Variants in SLC23A2 observed in about 807,000 individuals in gnomAD.
SLC23A2 encodes solute carrier family 23 member 2, also known as Na(+)/L-ascorbic acid transporter 2.
A neutral mutation model predicts 73.3 loss-of-function variants in SLC23A2; 36 were observed. The observed-to-expected ratio is 0.49, with a 90% CI of 0.38 to 0.65. The LOEUF (loss-of-function observed/expected upper bound fraction) is 0.65. SLC23A2 is among the 30% of genes least tolerant of loss of function. The pLI is 0.00. For missense variants in SLC23A2, 507 were observed against 841.6 expected (o/e 0.60, Z 4.92); for synonymous variants, 343 against 327.3 (o/e 1.05, Z -0.52).
At chr20:4,961,628 G>A (rs1178400959) in intron 2 of SLC23A2, among the ~76,000 whole-genome samples, 2 of 152,114 alleles carry the variant, frequency 1.3e-5, no homozygotes, top group Non-Finnish European at 2.9e-5. Flanking sequence ...GGACACCCTT[G>A]ATCTAAAGTA....
rs1352542860 is a variant in SLC23A2 at position 4,943,397 on chromosome 20, G to A, written c.-154-10681C>T. Among the ~76,000 whole-genome samples the A allele has an allele frequency of 3.9e-5, 6 of 152,170 alleles. No homozygotes were observed. In the East Asian group the frequency reaches 5.8e-4, roughly 15 times the overall value. Reference sequence around the variant, plus strand: ...AATATACACTTCTGGGCCAGGCACGGTGGATCACACCTGCAATCCCAGCAC... The same window carrying A: ...AATATACACTTCTGGGCCAGGCACGATGGATCACACCTGCAATCCCAGCAC... On this transcript the variant is annotated intron_variant, in intron 2 of 16. Transcript: ENST00000338244.
At chr20:4,924,927 G>A (rs1041230774) in intron 3 of SLC23A2, among the ~76,000 whole-genome samples, 1 of 152,146 alleles carries the variant, frequency 6.6e-6, no homozygotes, top group Admixed American at 6.5e-5. Flanking sequence ...GCTCCCACCT[G>A]TAATCCCAGC....
At chr20:4,968,398 C>T (rs1239488110) in intron 2 of SLC23A2, among the ~76,000 whole-genome samples, 1 of 152,130 alleles carries the variant, frequency 6.6e-6, no homozygotes, top group East Asian at 1.9e-4. Flanking sequence ...TTTGTGGAGT[C>T]AAAGTAGCCT....
chr20:4,893,932 C>T (rs947982026), intron 6 of SLC23A2, among the ~76,000 whole-genome samples: 3 of 152,006 alleles, frequency 2.0e-5, no homozygotes, highest in Non-Finnish European at 4.4e-5. Flanking sequence ...GTGGTGACGG[C>T]GGGGCAGGGT....
intron 6 of SLC23A2, among the ~76,000 whole-genome samples, chr20:4,896,562 T>A (rs1931529816): frequency 6.6e-6 from 1 of 152,176 alleles, no homozygotes; most frequent in Non-Finnish European, 1.5e-5. Context: ...CACATTCCAT[T>A]CCGTGCTGCT....
At chr20:4,867,709 C>G in intron 13 of SLC23A2, 61 bp downstream of exon 13, 1 of 934,036 alleles carries the variant, frequency 1.1e-6, no homozygotes, top group Non-Finnish European at 1.7e-6. Flanking sequence ...GTGGCCAGAT[C>G]GATCAATGAA....
At position 4,862,896 on chromosome 20, in the gene SLC23A2, G is replaced by C; in HGVS notation, c.1368C>G (p.Arg456=). ...GGGCTGCTCCGCACTGTATCACGCG[G>C]CGGCTGCCGACCTGCAGAACACACA... ...GVLGITKVGS[R]RVIQCGAALM... is the part of the protein sequence containing the mutation. The change falls in exon 14 of 17, where the codon CGC becomes CGG. Residue 456 remains arginine (R), a synonymous_variant. Transcript: ENST00000338244. This position sits in a 1 kb window ranked among gnomAD's most constrained non-coding sequence, Gnocchi z 5.1. 6.2e-7 allele frequency: 1 copy of C among 1,611,024 alleles called. No individual in the cohort carries two copies. Among genetic ancestry groups the C allele is most frequent in the Non-Finnish European group, 8.5e-7 (1 of 1,177,872 alleles).
At chr20:5,000,815 C>A (rs1464188225) in intron 1 of SLC23A2, among the ~76,000 whole-genome samples, 2 of 152,198 alleles carry the variant, frequency 1.3e-5, no homozygotes, top group Admixed American at 6.5e-5. Flanking sequence ...TCGCGACCCC[C>A]CAGGGAACAG....
chr20:4,885,736 C>T lies in SLC23A2; in HGVS notation c.571+85G>A, dbSNP rs547078357. On this transcript the variant is annotated intron_variant, in intron 7 of 16. Coordinates refer to ENST00000338244, the MANE Select transcript of SLC23A2 (RefSeq NM_005116.6). ...GTCCCTAATTCTTGAAAGGATTTAG[C>T]GCTGCTGAGGGCAGCACGTCCAGGC... The T allele has an allele frequency of 5.8e-5, 53 of 915,070 alleles. No homozygotes were observed. In the Middle Eastern group the frequency reaches 6.4e-4, roughly 11 times the overall value. 56.7% of individuals were successfully genotyped at this position (915,070 alleles called of 1,614,324 possible).
chr20:4,903,964 G>T (rs1371716139), intron 4 of SLC23A2, among the ~76,000 whole-genome samples: 1 of 152,120 alleles, frequency 6.6e-6, no homozygotes, highest in Non-Finnish European at 1.5e-5. Context: ...TGGTACGTGG[G>T]GGATAACCTG....
intron 3 of SLC23A2, among the ~76,000 whole-genome samples, chr20:4,926,548 T>C (rs945267800): frequency 5.3e-5 from 8 of 150,842 alleles, no homozygotes; most frequent in African/African-American, 1.9e-4. Flanking sequence ...TCCTGTTTCT[T>C]GCCATGGGCA....
intron 3 of SLC23A2, among the ~76,000 whole-genome samples, chr20:4,915,227 G>A (rs1016548568): frequency 2.0e-5 from 3 of 152,046 alleles, no homozygotes; most frequent in African/African-American, 4.8e-5. Flanking sequence ...GCTGCCTTAG[G>A]GACAAGAACG....
upstream of SLC23A2, among the ~76,000 whole-genome samples, chr20:5,002,248 G>C (rs896433784): frequency 2.0e-5 from 3 of 152,152 alleles, no homozygotes; most frequent in Non-Finnish European, 4.4e-5. Flanking sequence ...GATGCAGATG[G>C]CTGGGCCCCA....
At chr20:4,861,775 C>T (rs574104796) in intron 15 of SLC23A2, among the ~76,000 whole-genome samples, 173 bp downstream of exon 15, 2 of 152,116 alleles carry the variant, frequency 1.3e-5, no homozygotes, top group Non-Finnish European at 2.9e-5. Flanking sequence ...CAGCAGGAAG[C>T]CCACAGCGCT....
chr20:4,961,317 C>T (rs1310770308), intron 2 of SLC23A2, among the ~76,000 whole-genome samples: 6 of 152,008 alleles, frequency 3.9e-5, no homozygotes, highest in African/African-American at 1.5e-4. Context: ...TCCCTGACCT[C>T]ATGATCCGCC....
At chr20:4,984,825 T>C in intron 1 of SLC23A2, among the ~76,000 whole-genome samples, 1 of 151,960 alleles carries the variant, frequency 6.6e-6, no homozygotes, top group Non-Finnish European at 1.5e-5. Flanking sequence ...TAAAATGGTT[T>C]GGCAGCTCCT....
chr20:4,913,013 G>A lies in SLC23A2; in HGVS notation c.109-35C>T, dbSNP rs374046507. 6.4e-5 allele frequency: 90 copies of A among 1,403,996 alleles called. No homozygotes were observed. In the African/African-American group the frequency reaches 6.8e-4, roughly 11 times the overall value. 87.0% of individuals were successfully genotyped at this position (1,403,996 alleles called of 1,614,324 possible). On this transcript the variant is annotated intron_variant, in intron 3 of 16. Coordinates refer to ENST00000338244, the MANE Select transcript of SLC23A2 (RefSeq NM_005116.6). ...CAATCCACTTAGAGGCTGTTTCAGCGTGAACCACATTTTCCTCCCCCCGAA... is the reference window on the plus strand; with the variant it reads ...CAATCCACTTAGAGGCTGTTTCAGCATGAACCACATTTTCCTCCCCCCGAA...
At chr20:4,976,147 C>A (rs938637994) in intron 1 of SLC23A2, among the ~76,000 whole-genome samples, 26 of 151,866 alleles carry the variant, frequency 1.7e-4, no homozygotes, top group Admixed American at 1.5e-3. Context: ...GCCACCACGC[C>A]CGGCCAAGAG....
At chr20:4,980,291 T>C (rs1328004090) in intron 1 of SLC23A2, among the ~76,000 whole-genome samples, 1 of 152,112 alleles carries the variant, frequency 6.6e-6, no homozygotes, top group Non-Finnish European at 1.5e-5. Context: ...ACAATGCTGT[T>C]CACCACTGTA....
Sources: gnomAD v4.1 joint callset for allele counts (sites outside exome capture counted in the v4.1 genomes callset) on GRCh38, gnomAD v4.1.1 for gene constraint, Gnocchi (gnomAD v3.1) non-coding constraint, MANE v1.5 for transcripts, NCBI Gene and HGNC (gene_info 2026-07-23, HGNC 2026-07-21) for gene names.